The following RFWD3 variants were observed in gnomAD, a reference collection of about 807,000 sequenced individuals.
RFWD3 encodes E3 ubiquitin-protein ligase RFWD3.
RFWD3 carries 65 observed loss-of-function variants against 87.7 expected under a neutral mutation model. The observed-to-expected ratio is 0.74, with a 90% confidence interval of 0.61 to 0.91. The LOEUF is 0.91. Among genes scored for constraint, RFWD3 ranks in the 40% least tolerant of loss-of-function variants. RFWD3 has a pLI of 0.00. For synonymous variants in RFWD3, 433 were observed against 352.8 expected, an observed-to-expected ratio of 1.23 and a Z score of -2.55; for missense variants, 1,078 against 938.5, an observed-to-expected ratio of 1.15 and a Z score of -1.94.
At chr16:74,634,224 T>C (rs1250820699) in intron 8 of RFWD3, among the ~76,000 whole-genome samples, 1 of 152,104 alleles carries the variant, frequency 6.6e-6, no homozygotes, top group Non-Finnish European at 1.5e-5. Flanking sequence ...ATATGTCACA[T>C]CTGTCTGAAA....
At position 74,637,923 on chromosome 16, in the gene RFWD3, G is replaced by A; in HGVS notation, c.1127C>T (p.Ser376Leu). Residue 376 changes from serine (S) to leucine (L), a missense_variant, in exon 7 of 13, where the codon TCA becomes TTA. Physicochemically the swap from Ser to Leu is moderately radical, Grantham distance 145. Coordinates refer to ENST00000361070, the MANE Select transcript of RFWD3 (RefSeq NM_018124.4). ...CTGCAGTTGGAGTCGGCACTGTGCTGATTCTAACTCGGCCTGTTTCCTTAG... is the reference window on the plus strand; with the variant it reads ...CTGCAGTTGGAGTCGGCACTGTGCTAATTCTAACTCGGCCTGTTTCCTTAG... Reference protein sequence around the residue: ...QMLRKQAELESAQCRLQLQVL... With the variant: ...QMLRKQAELELAQCRLQLQVL... 6.2e-7 allele frequency: 1 copy of A among 1,612,634 alleles called. No homozygotes were observed. Among genetic ancestry groups the A allele is most frequent in the South Asian group, 1.1e-5 (1 of 90,924 alleles).
At chr16:74,639,227 A>G (rs541247322) in intron 6 of RFWD3, among the ~76,000 whole-genome samples, 1 of 152,196 alleles carries the variant, frequency 6.6e-6, no homozygotes, top group African/African-American at 2.4e-5. Flanking sequence ...TAGTAGAGAC[A>G]GGGTTTCACC....
At chr16:74,666,052 G>C (rs1332764539) in intron 1 of RFWD3, among the ~76,000 whole-genome samples, 2 of 152,026 alleles carry the variant, frequency 1.3e-5, no homozygotes, top group African/African-American at 4.8e-5. Context: ...GAGAGGGAGA[G>C]GGAGAGGCGG....
At chr16:74,656,308 CAAAAAAA>C (rs71158534) in intron 2 of RFWD3, among the ~76,000 whole-genome samples, 787 of 64,252 alleles carry the variant, frequency 0.012, 11 homozygotes, top group African/African-American at 0.016. Context: ...CTTGTCTTGC[CAAAAAAA>C]AAAAAAAAAA....
intron 4 of RFWD3, among the ~76,000 whole-genome samples, chr16:74,647,262 T>C (rs1395858173): frequency 6.6e-6 from 1 of 152,116 alleles, no homozygotes; most frequent in Non-Finnish European, 1.5e-5. Context: ...AAATTACTCA[T>C]ACTGAGGACA....
chr16:74,657,690 T>C (rs1961105550), intron 2 of RFWD3, among the ~76,000 whole-genome samples: 1 of 152,068 alleles, frequency 6.6e-6, no homozygotes, highest in Non-Finnish European at 1.5e-5. Context: ...GCCAGGCTGG[T>C]CTCGAACTCG....
chr16:74,659,154 AC>A (rs1289480190), intron 2 of RFWD3, among the ~76,000 whole-genome samples: 1 of 151,982 alleles, frequency 6.6e-6, no homozygotes, highest in Non-Finnish European at 1.5e-5. Context: ...TATAAGTGTC[AC>A]CCTTAAGTTG....
intron 12 of RFWD3, 138 bp downstream of exon 12, chr16:74,626,205 T>A (rs574444181): frequency 1.4e-6 from 1 of 725,206 alleles, no homozygotes; most frequent in East Asian, 2.6e-5. Flanking sequence ...TACACACATA[T>A]GCGGATATGT....
In RFWD3 at chr16:74,633,097, T is replaced by C. The variant is rs541589948; in HGVS notation, c.1427-424A>G. Among the ~76,000 whole-genome samples the C allele has an allele frequency of 2.6e-5, 4 of 151,948 alleles. 1 individual carries two copies. The highest frequency in any genetic ancestry group is 2.6e-4 in the Admixed American group (4 of 15,250). Reference sequence around the variant, plus strand: ...TTCAAGACAAGCCTGGCCAACACAGTGAAACCCTGTCTCTACTAAAACACA... The same window carrying C: ...TTCAAGACAAGCCTGGCCAACACAGCGAAACCCTGTCTCTACTAAAACACA... On this transcript the variant is annotated intron_variant, in intron 8 of 12. Coordinates refer to ENST00000361070, the MANE Select transcript of RFWD3 (RefSeq NM_018124.4).
chr16:74,660,002 C>T lies in RFWD3; in HGVS notation c.518+930G>A, dbSNP rs957501433. 6.6e-5 allele frequency among the ~76,000 whole-genome samples: 10 copies of T among 152,004 alleles called. 2 individuals are homozygous for T. ...CTGGGGAGGTCGAGGCTGCAGTGAG[C>T]TGTGATTGCACCACTGCACTCCAGC... On this transcript the variant is annotated intron_variant, in intron 2 of 12. Transcript: ENST00000361070.
At chr16:74,625,525 AAAG>A (rs1958907504) in intron 12 of RFWD3, among the ~76,000 whole-genome samples, 1 of 151,602 alleles carries the variant, frequency 6.6e-6, no homozygotes, top group Non-Finnish European at 1.5e-5. Context: ...AAAAAAAAAA[AAAG>A]GACAGACCAG....
At chr16:74,650,171 T>G (rs953202406) in intron 3 of RFWD3, among the ~76,000 whole-genome samples, 1 of 152,244 alleles carries the variant, frequency 6.6e-6, no homozygotes, top group African/African-American at 2.4e-5. Context: ...AGATATTCCC[T>G]TCACAATATG....
chr16:74,630,678 G>A (rs1464817093), intron 10 of RFWD3, 103 bp downstream of exon 10: 19 of 998,370 alleles, frequency 1.9e-5, no homozygotes, highest in Admixed American at 6.9e-5. Flanking sequence ...AAATTTGTGA[G>A]GATTTCTGAC....
chr16:74,660,826 T>C (rs1328015194), intron 2 of RFWD3, 106 bp downstream of exon 2: 2 of 1,302,392 alleles, frequency 1.5e-6, no homozygotes, highest in African/African-American at 1.5e-5. Context: ...GGTCAGAAGT[T>C]ACCTGACTTG....
Position 74,644,448 on chromosome 16 carries a change from G to A in RFWD3, c.993C>T (p.Asn331=), listed in dbSNP as rs200972788. The A allele has an allele frequency of 3.1e-6, 5 of 1,614,090 alleles. No homozygotes were observed. The highest frequency in any genetic ancestry group is 4.2e-6 in the Non-Finnish European group (5 of 1,180,050). The change falls in exon 6 of 13, where the codon AAC becomes AAT. Residue 331 remains asparagine (N), a synonymous_variant. Coordinates refer to ENST00000361070, the MANE Select transcript of RFWD3 (RefSeq NM_018124.4). The part of the protein sequence containing the change: ...KGQVRKCPQC[N]KKARHSDIVV... ...CAATGTCACTGTGCCTGGCTTTCTT[G>A]TTGCACTAAAGAACCCAATAGGACA...
intron 1 of RFWD3, among the ~76,000 whole-genome samples, chr16:74,666,091 G>A (rs1187031980): frequency 2.0e-5 from 3 of 152,084 alleles, no homozygotes; most frequent in Non-Finnish European, 4.4e-5. Context: ...AGGGAGACGG[G>A]AGGGGAAGGG....
At chr16:74,647,085 CA>C (rs1216676149) in intron 4 of RFWD3, among the ~76,000 whole-genome samples, 208 of 124,620 alleles carry the variant, frequency 1.7e-3, no homozygotes, top group Admixed American at 1.8e-3. Context: ...ACACTCGTCT[CA>C]AAAAAAAAAA....
chr16:74,655,397 G>A (rs1310274107), intron 2 of RFWD3, among the ~76,000 whole-genome samples: 2 of 151,696 alleles, frequency 1.3e-5, no homozygotes, highest in South Asian at 2.1e-4. Flanking sequence ...CCGCCACCAC[G>A]CCTGGCTAAT....
chr16:74,650,628 G>A (rs375197409), intron 3 of RFWD3, among the ~76,000 whole-genome samples: 48 of 152,152 alleles, frequency 3.2e-4, no homozygotes, highest in African/African-American at 1.1e-3. Context: ...GTCACAAAAT[G>A]ATGACTTTTC....
Sources: gnomAD v4.1 joint callset for allele counts (sites outside exome capture counted in the v4.1 genomes callset) on GRCh38, gnomAD v4.1.1 for gene constraint, MANE v1.5 for transcripts, NCBI Gene and HGNC (gene_info 2026-07-23, HGNC 2026-07-21) for gene names.